Variants in TRIP12 observed in about 807,000 individuals in gnomAD.
The protein encoded by TRIP12 is thyroid hormone receptor interactor 12.
In TRIP12, 25 loss-of-function variants were observed where a neutral mutation model predicts 244.2. The ratio of observed to expected loss-of-function variants is 0.10; its 90% CI spans 0.07 to 0.14. The LOEUF is 0.14. Among genes scored for constraint, TRIP12 ranks in the 10% least tolerant of loss-of-function variants. The pLI, the probability that TRIP12 is intolerant of heterozygous loss-of-function variation, is 1.00. For synonymous variants in TRIP12, 905 were observed against 873.1 expected (o/e 1.04, Z -0.64); for missense variants, 1,677 against 2,486.4 (o/e 0.67, Z 6.92).
Position 229,765,404 on chromosome 2 carries a change from C to A in TRIP12, c.*2150G>T, listed in dbSNP as rs2031446233. On this transcript the variant is annotated 3_prime_UTR_variant, in exon 42 of 42. Coordinates refer to ENST00000675903, the MANE Select transcript of TRIP12 (RefSeq NM_001348323.3). ...AGAGATTACTTTAAGAGTTTTCCTG[C>A]CCCAAATTAACCAAAGGTCCCGTGT... The A allele has an allele frequency of 6.6e-6, 1 of 152,142 alleles. No homozygotes were observed. Among genetic ancestry groups the A allele is most frequent in the Non-Finnish European group, 1.5e-5 (1 of 68,024 alleles). The allele number at this position is 152,142 out of a possible 1,614,324, so 9.4% of individuals were successfully genotyped here. A position where few individuals can be genotyped will look rare whatever the true frequency, so the allele number is the denominator to read the frequency against.
In TRIP12 at chr2:229,768,612, C is replaced by T. The variant is rs1405499034; in HGVS notation, c.6007+4G>A. 6.2e-7 allele frequency: 1 copy of T among 1,611,830 alleles called. No individual in the cohort carries two copies. The highest frequency in any genetic ancestry group is 1.1e-5 in the South Asian group (1 of 90,600). On this transcript the variant is annotated splice_donor_region_variant and intron_variant, in intron 41 of 41. Coordinates refer to ENST00000675903, the MANE Select transcript of TRIP12 (RefSeq NM_001348323.3). Reference sequence around the variant, plus strand: ...TAAATGCTAAACATCAACATCGTACCCACCTCCAACAGGCAATCTTGGGCT... The same window carrying T: ...TAAATGCTAAACATCAACATCGTACTCACCTCCAACAGGCAATCTTGGGCT...
In TRIP12 at chr2:229,840,870, A is replaced by G; in HGVS notation, c.1085T>C (p.Leu362Ser). The change falls in exon 5 of 42, where the codon TTG (leucine) becomes TCG (serine). Residue 362 changes from leucine (L) to serine (S), a missense_variant. Transcript: ENST00000675903. ...SESPPAELPS[L>S]RRSTRQKTTG... Reference sequence around the variant, plus strand: ...GGTCTTTTGGCGTGTGCTCCGCCTCAAACTGGGGAGCTCAGCAGGTGGAGA... The same window carrying G: ...GGTCTTTTGGCGTGTGCTCCGCCTCGAACTGGGGAGCTCAGCAGGTGGAGA... 6.2e-7 allele frequency: 1 copy of G among 1,610,860 alleles called. No homozygotes were observed. Among genetic ancestry groups the G allele is most frequent in the Middle Eastern group, 1.7e-4 (1 of 6,044 alleles).
At chr2:229,867,100 TTTTTTTTTG>T (rs2061636012) in intron 2 of TRIP12, among the ~76,000 whole-genome samples, 1 of 150,908 alleles carries the variant, frequency 6.6e-6, no homozygotes, top group Non-Finnish European at 1.5e-5. Flanking sequence ...ATAGAGGGTT[TTTTTTTTTG>T]TTTTTTTTTT....
In TRIP12 at chr2:229,807,754, C is replaced by T. The variant is rs747897644; in HGVS notation, c.2450G>A (p.Arg817Gln). The change falls in exon 17 of 42, where the codon CGG (arginine) becomes CAG (glutamine). Residue 817 changes from arginine (R) to glutamine (Q), a missense_variant. This residue lies in a region of TRIP12 where 572 missense variants were observed against 867.8 expected (regional missense o/e 0.66). Coordinates refer to ENST00000675903, the MANE Select transcript of TRIP12 (RefSeq NM_001348323.3). ...DGAIWQWRDD[R>Q]GLWHPYNRID... The stretch of plus-strand genomic sequence containing the variant: ...CCTGTTATATGGATGCCAGAGGCCC[C>T]GATCATCACGCCACTGCCATATCGC... 5 of 1,613,984 alleles carry T rather than the reference C, an allele frequency of 3.1e-6. No individual in the cohort carries two copies. Among genetic ancestry groups the T allele is most frequent in the Admixed American group, 1.7e-5 (1 of 59,996 alleles).
intron 1 of TRIP12, among the ~76,000 whole-genome samples, chr2:229,907,790 G>GAT (rs368347388): frequency 6.6e-6 from 1 of 151,238 alleles, no homozygotes; most frequent in Non-Finnish European, 1.5e-5. Context: ...ACAACAGAGA[G>GAT]ACCTTATCTC....
intron 19 of TRIP12, 41 bp from the exon 20 acceptor site, chr2:229,803,730 T>C (rs770164735): frequency 2.1e-6 from 3 of 1,449,384 alleles, no homozygotes; most frequent in Non-Finnish European, 2.8e-6. Flanking sequence ...TCTGCCTGAA[T>C]TTGATGATTA....
chr2:229,768,641 A>C lies in TRIP12; in HGVS notation c.5982T>G (p.Thr1994=). 6.2e-7 allele frequency: 1 copy of C among 1,612,492 alleles called. No individual in the cohort carries two copies. The highest frequency in any genetic ancestry group is 8.5e-7 in the Non-Finnish European group (1 of 1,179,670). Residue 1994 remains threonine (T), a synonymous_variant, in exon 41 of 42, where the codon ACT becomes ACG. Transcript: ENST00000675903. ...EQQRLFLQFV[T]GSPRLPVGGF... ...CTCCAACAGGCAATCTTGGGCTACC[A>C]GTCACAAACTGGAGAAATAACCTCT...
intron 34 of TRIP12, among the ~76,000 whole-genome samples, chr2:229,784,971 T>C (rs1304664012): frequency 1.3e-5 from 2 of 152,190 alleles, no homozygotes; most frequent in Admixed American, 6.5e-5. Flanking sequence ...AGGAAATGAA[T>C]ACAAATGTTC....
At chr2:229,919,079 T>C (rs2076018514) in intron 1 of TRIP12, among the ~76,000 whole-genome samples, 1 of 152,166 alleles carries the variant, frequency 6.6e-6, no homozygotes, top group African/African-American at 2.4e-5. Context: ...TAAAGCAGGA[T>C]ATTAAAACCT....
chr2:229,888,629 C>T (rs1576688654), intron 1 of TRIP12, among the ~76,000 whole-genome samples: 2 of 152,008 alleles, frequency 1.3e-5, no homozygotes, highest in Middle Eastern at 3.4e-3. Flanking sequence ...CATGGCAAAA[C>T]CCCATCTCTA....
intron 34 of TRIP12, among the ~76,000 whole-genome samples, chr2:229,783,717 C>T (rs1403673763): frequency 1.3e-5 from 2 of 151,374 alleles, no homozygotes; most frequent in East Asian, 1.9e-4. Flanking sequence ...GAAAGAAATC[C>T]GAATCAAAAT....
rs539211689 is a variant in TRIP12, at chr2:229,848,579, A to C, written c.1028-7652T>G. 3.3e-5 allele frequency among the ~76,000 whole-genome samples: 5 copies of C among 152,338 alleles called. No individual in the cohort carries two copies. In the South Asian group the frequency reaches 1.0e-3, roughly 32 times the overall value. ...AAAGCAATGTCAAACAGTAAGATCA[A>C]GACCATTTAAGAGGACAAGCACTCA... On this transcript the variant is annotated intron_variant, in intron 4 of 41. Coordinates refer to ENST00000675903, the MANE Select transcript of TRIP12 (RefSeq NM_001348323.3).
rs373621721 is a variant in TRIP12, at chr2:229,777,427, G to C, written c.5417C>G (p.Thr1806Ser). The C allele has an allele frequency of 1.2e-6, 2 of 1,613,962 alleles. No homozygotes were observed. The highest frequency in any genetic ancestry group is 1.7e-6 in the Non-Finnish European group (2 of 1,179,862). Residue 1806 changes from threonine to serine, a missense_variant, in exon 37 of 42, where the codon ACT becomes AGT. Around this residue, in one of 11 missense-constraint regions of TRIP12, gnomAD observed 171 missense variants for 388.4 expected, o/e 0.44. Coordinates refer to ENST00000675903, the MANE Select transcript of TRIP12 (RefSeq NM_001348323.3). The part of the protein sequence containing the change: ...PFYKWMLRQE[T>S]SLTSHDLFDI... The stretch of plus-strand genomic sequence containing the variant: ...AAACAAATCGTGTGATGTCAGTGAA[G>C]TTTCTTGCCGTAGCATCCATTTATA...
intron 4 of TRIP12, among the ~76,000 whole-genome samples, chr2:229,843,040 T>C (rs2056820554): frequency 1.3e-5 from 2 of 151,444 alleles, no homozygotes; most frequent in Admixed American, 6.6e-5. Flanking sequence ...AATTCTCTCT[T>C]ATTCTCTCTT....
At chr2:229,827,806 A>G (rs1176257106) in intron 8 of TRIP12, among the ~76,000 whole-genome samples, 1 of 152,228 alleles carries the variant, frequency 6.6e-6, no homozygotes, top group African/African-American at 2.4e-5. Flanking sequence ...AGTTTCTTAA[A>G]ATATTGTAAG....
chr2:229,888,903 T>A (rs971243182), intron 1 of TRIP12, among the ~76,000 whole-genome samples: 4 of 152,072 alleles, frequency 2.6e-5, no homozygotes, highest in Middle Eastern at 3.4e-3. Context: ...CTTCTGGAAG[T>A]GCTAGACTTT....
At chr2:229,784,513 GA>G (rs796545176) in intron 34 of TRIP12, among the ~76,000 whole-genome samples, 2,039 of 57,768 alleles carry the variant, frequency 0.035, 33 homozygotes, top group African/African-American at 0.092. Flanking sequence ...GCACAAACAA[GA>G]AAAAAAAAAA....
At chr2:229,853,383 C>T (rs757549940) in intron 4 of TRIP12, among the ~76,000 whole-genome samples, 2 of 152,152 alleles carry the variant, frequency 1.3e-5, no homozygotes, top group Non-Finnish European at 1.5e-5. Flanking sequence ...ACAAAAAACC[C>T]TGATGCATAC....
At chr2:229,846,725 T>C (rs1413423376) in intron 4 of TRIP12, among the ~76,000 whole-genome samples, 1 of 152,242 alleles carries the variant, frequency 6.6e-6, no homozygotes, top group East Asian at 1.9e-4. Context: ...CACAGACTTT[T>C]ATTTTAAAAT....
Sources: gnomAD v4.1 joint callset for allele counts (sites outside exome capture counted in the v4.1 genomes callset) on GRCh38, gnomAD v4.1.1 for gene constraint, gnomAD v4.1.1 regional missense constraint, MANE v1.5 for transcripts, NCBI Gene and HGNC (gene_info 2026-07-23, HGNC 2026-07-21) for gene names.